Variants in CNTN3 observed in about 807,000 individuals in gnomAD.
CNTN3 encodes the protein contactin-3.
CNTN3 carries 60 observed loss-of-function variants against 119.1 expected under a neutral mutation model. The ratio of observed to expected loss-of-function variants is 0.50; its 90% CI spans 0.41 to 0.62. CNTN3 has a LOEUF of 0.62. CNTN3 is among the 20% of genes least tolerant of loss of function. The pLI, the probability that CNTN3 is intolerant of heterozygous loss-of-function variation, is 0.00. For missense variants in CNTN3, 1,101 were observed against 1,242.4 expected (o/e 0.89, Z 1.71); for synonymous variants, 450 against 438.7 (o/e 1.03, Z -0.32).
intron 1 of CNTN3, among the ~76,000 whole-genome samples, chr3:74,594,464 C>A (rs1272240576): frequency 6.6e-6 from 1 of 151,486 alleles, no homozygotes; most frequent in Non-Finnish European, 1.5e-5. Context: ...CCACAACACT[C>A]CCCAGAGTGT....
At chr3:74,499,554 T>G in intron 3 of CNTN3, 105 bp downstream of exon 3, 1 of 1,062,112 alleles carries the variant, frequency 9.4e-7, no homozygotes, top group East Asian at 2.5e-5. Context: ...TCACGTATTT[T>G]TTTCTTACTG....
chr3:74,465,614 G>C (rs1702447440), intron 4 of CNTN3, among the ~76,000 whole-genome samples: 1 of 152,120 alleles, frequency 6.6e-6, no homozygotes, highest in South Asian at 2.1e-4. Context: ...ACAAAAAAAT[G>C]CATTTCTCCA....
At chr3:74,488,210 T>G (rs1054034882) in intron 3 of CNTN3, among the ~76,000 whole-genome samples, 1 of 151,988 alleles carries the variant, frequency 6.6e-6, no homozygotes, top group Non-Finnish European at 1.5e-5. Flanking sequence ...CCTCCTGAGC[T>G]CACGCCATTC....
rs536374304 is a variant in CNTN3 at position 74,398,923 on chromosome 3, A to C, written c.454+25922T>G. On this transcript the variant is annotated intron_variant, in intron 5 of 22. Coordinates refer to ENST00000263665, the MANE Select transcript of CNTN3 (RefSeq NM_020872.3). ...CATAATAATTGTACATATTTATGGG[A>C]TATGCAGTGATATTGCAATACATAC... Among the ~76,000 whole-genome samples the C allele has an allele frequency of 5.2e-4, 79 of 152,334 alleles. 1 individual carries two copies. In the South Asian group the frequency reaches 0.016, roughly 31 times the overall value.
chr3:74,561,584 C>G (rs1704154690), intron 1 of CNTN3, among the ~76,000 whole-genome samples: 1 of 152,158 alleles, frequency 6.6e-6, no homozygotes, highest in Non-Finnish European at 1.5e-5. Flanking sequence ...GGTCTCTGCT[C>G]AGCAGAGGCC....
Position 74,514,481 on chromosome 3 carries a change from T to C in CNTN3, c.55+6577A>G, listed in dbSNP as rs570954866. On this transcript the variant is annotated intron_variant, in intron 2 of 22. Transcript: ENST00000263665. ...CACAATCAGCCACCTTAGGAAAATA[T>C]CTGGGCTATACTTTTCCCTACCACA... Among the ~76,000 whole-genome samples, 9 of 152,174 alleles carry C rather than the reference T, an allele frequency of 5.9e-5. No individual in the cohort carries two copies. The South Asian group carries it at 1.2e-3, about 21-fold the overall frequency.
At chr3:74,429,332 C>T (rs1701746346) in intron 4 of CNTN3, among the ~76,000 whole-genome samples, 2 of 151,544 alleles carry the variant, frequency 1.3e-5, no homozygotes, top group Non-Finnish European at 2.9e-5. Flanking sequence ...GTGGTAGTGG[C>T]ACAGGGAGAG....
At chr3:74,608,360 T>A (rs1705027094) in intron 1 of CNTN3, among the ~76,000 whole-genome samples, 1 of 152,214 alleles carries the variant, frequency 6.6e-6, no homozygotes, top group African/African-American at 2.4e-5. Context: ...TATTTATGGT[T>A]TAGGAAGATG....
chr3:74,599,797 C>A (rs1704878683), intron 1 of CNTN3, among the ~76,000 whole-genome samples: 1 of 152,066 alleles, frequency 6.6e-6, no homozygotes, highest in South Asian at 2.1e-4. Context: ...AGAAGATGCA[C>A]CCTCTCCCAG....
chr3:74,374,111 C>A (rs971738178), intron 5 of CNTN3, among the ~76,000 whole-genome samples: 2 of 152,052 alleles, frequency 1.3e-5, no homozygotes, highest in Non-Finnish European at 2.9e-5. Context: ...CTCTAACGGG[C>A]AATTTTGGCT....
chr3:74,545,408 A>C (rs1394011674), intron 1 of CNTN3, among the ~76,000 whole-genome samples: 1 of 151,950 alleles, frequency 6.6e-6, no homozygotes, highest in East Asian at 1.9e-4. Flanking sequence ...ATCCCTTCAC[A>C]CTCCTTGATA....
chr3:74,534,425 C>T lies in CNTN3; in HGVS notation c.-80-13233G>A, dbSNP rs140274111. Among the ~76,000 whole-genome samples, 85 of 151,900 alleles carry T rather than the reference C, an allele frequency of 5.6e-4. No homozygotes were observed. The East Asian group carries it at 0.013, about 24-fold the overall frequency. On this transcript the variant is annotated intron_variant, in intron 1 of 22. Transcript: ENST00000263665. ...TCAAAATGTAAAAATCTTATCTGTA[C>T]CATTTTTTAAACATGGAATCTTAAA...
At chr3:74,374,298 T>TA (rs1296757183) in intron 5 of CNTN3, among the ~76,000 whole-genome samples, 1 of 151,518 alleles carries the variant, frequency 6.6e-6, no homozygotes, top group Admixed American at 6.6e-5. Context: ...TTTTTTTTAA[T>TA]AAAAAAACTT....
intron 5 of CNTN3, among the ~76,000 whole-genome samples, chr3:74,395,028 T>C (rs1280597409): frequency 6.6e-6 from 1 of 152,160 alleles, no homozygotes; most frequent in Non-Finnish European, 1.5e-5. Context: ...ATTAATCTAA[T>C]GATTTTTTTT....
At position 74,264,087 on chromosome 3, in the gene CNTN3, G is replaced by T; in HGVS notation, c.*314C>A. 5.4e-6 allele frequency: 1 copy of T among 184,592 alleles called. No homozygotes were observed. Among genetic ancestry groups the T allele is most frequent in the Non-Finnish European group, 1.1e-5 (1 of 89,730 alleles). The allele number at this position is 184,592 out of a possible 1,614,324, so 11.4% of individuals were successfully genotyped here. A position where few individuals can be genotyped will look rare whatever the true frequency, so the allele number is the denominator to read the frequency against. On this transcript the variant is annotated 3_prime_UTR_variant, in exon 23 of 23. Transcript: ENST00000263665. ...TCAATGTAAAAAGAAATTCTCATGC[G>T]TGTGTGTGTACATGTGAGAGTGTGT...
chr3:74,521,904 T>C (rs1703548746), intron 1 of CNTN3, among the ~76,000 whole-genome samples: 1 of 151,850 alleles, frequency 6.6e-6, no homozygotes, highest in South Asian at 2.1e-4. Context: ...GTATGCGCGA[T>C]ACACAGACCT....
At chr3:74,296,869 ATT>A (rs565642577) in intron 18 of CNTN3, among the ~76,000 whole-genome samples, 7,285 of 142,566 alleles carry the variant, frequency 0.051, 369 homozygotes, top group African/African-American at 0.14. Flanking sequence ...AGTTTCTGCC[ATT>A]TTTTTTTTTT....
chr3:74,357,579 G>C (rs930773540), intron 11 of CNTN3, among the ~76,000 whole-genome samples: 1 of 152,010 alleles, frequency 6.6e-6, no homozygotes, highest in African/African-American at 2.4e-5. Flanking sequence ...CACTGCACTC[G>C]GCCTCAGTTT....
chr3:74,437,583 T>C (rs931259108), intron 4 of CNTN3, among the ~76,000 whole-genome samples: 2 of 152,218 alleles, frequency 1.3e-5, no homozygotes, highest in Admixed American at 1.3e-4. Context: ...ATTATGGATG[T>C]TAATTTTACA....
Sources: allele counts gnomAD v4.1 joint callset (sites outside exome capture counted in the v4.1 genomes callset), GRCh38; gene constraint gnomAD v4.1.1; transcripts MANE v1.5; gene names NCBI Gene and HGNC (gene_info 2026-07-23, HGNC 2026-07-21).